The following TMEM71 variants were observed in gnomAD, a reference collection of about 807,000 sequenced individuals.
The protein encoded by TMEM71 is transmembrane protein 71.
In TMEM71, 44 loss-of-function variants were observed where a neutral mutation model predicts 38.0. The ratio of observed to expected loss-of-function variants is 1.16; its 90% CI spans 0.91 to 1.49. TMEM71 has a LOEUF of 1.49. TMEM71 is among the 40% of genes most tolerant of loss of function. The pLI is 0.00. For missense variants in TMEM71, 367 were observed against 348.6 expected (o/e 1.05, Z -0.42); for synonymous variants, 133 against 122.5 (o/e 1.09, Z -0.56).
At chr8:132,765,176 C>T, upstream of TMEM71, among the ~76,000 whole-genome samples, 1 of 152,190 alleles carries the variant, frequency 6.6e-6, no homozygotes, top group East Asian at 1.9e-4. Flanking sequence ...TCTCAGAATT[C>T]CTTTTTTGCA....
At chr8:132,770,460 C>T in the TMEM71 span, among the ~76,000 whole-genome samples, 5 of 152,280 alleles carry the variant, frequency 3.3e-5, no homozygotes, top group Non-Finnish European at 7.4e-5. Context: ...TCCCCATGGC[C>T]ACCATACTTG....
downstream of TMEM71, among the ~76,000 whole-genome samples, chr8:132,706,962 C>T (rs568611083): frequency 6.6e-5 from 10 of 152,196 alleles, no homozygotes; most frequent in African/African-American, 9.6e-5. Flanking sequence ...AAACAAAAAA[C>T]GATTAAGCCT....
At chr8:132,768,443 CTT>C in the TMEM71 span, among the ~76,000 whole-genome samples, 2 of 152,002 alleles carry the variant, frequency 1.3e-5, no homozygotes, top group Non-Finnish European at 2.9e-5. Flanking sequence ...GCTAATGTGT[CTT>C]TTTAGGATTT....
chr8:132,718,606 C>A (rs1826670295), intron 7 of TMEM71, among the ~76,000 whole-genome samples: 1 of 152,116 alleles, frequency 6.6e-6, no homozygotes, highest in South Asian at 2.1e-4. Context: ...ACCGTGTTAG[C>A]CAGGATGGCC....
At chr8:132,732,166 G>T (rs984094658) in intron 5 of TMEM71, among the ~76,000 whole-genome samples, 1 of 152,166 alleles carries the variant, frequency 6.6e-6, no homozygotes, top group Non-Finnish European at 1.5e-5. Context: ...GATGCAATGA[G>T]GTAATTGCTA....
Position 132,747,190 on chromosome 8 carries a change from G to A in TMEM71, c.315-76C>T, listed in dbSNP as rs1828439001. On this transcript the variant is annotated intron_variant, in intron 4 of 9. Transcript: ENST00000677595. ...TCAAAACTGTGATTTGAAGCGCAGA[G>A]TACATTTCTACAACCCAAGTCTGCT... is the stretch of plus-strand genomic sequence containing the variant. 4 of 1,303,234 alleles carry A rather than the reference G, an allele frequency of 3.1e-6. No homozygotes were observed. In the East Asian group the frequency reaches 7.8e-5, roughly 25 times the overall value. 80.7% of individuals were successfully genotyped at this position (1,303,234 alleles called of 1,614,324 possible).
the TMEM71 span, among the ~76,000 whole-genome samples, chr8:132,772,864 G>C: frequency 6.6e-6 from 1 of 152,124 alleles, no homozygotes. Flanking sequence ...GACTGACACA[G>C]GTGCATTCTA....
chr8:132,721,885 G>C (rs1826871475), intron 7 of TMEM71, among the ~76,000 whole-genome samples, 155 bp downstream of exon 7: 1 of 152,104 alleles, frequency 6.6e-6, no homozygotes, highest in Non-Finnish European at 1.5e-5. Context: ...TGGGCAATGA[G>C]AGATAAAGGG....
intron 5 of TMEM71, among the ~76,000 whole-genome samples, chr8:132,741,361 G>A (rs937576195): frequency 6.6e-6 from 1 of 152,176 alleles, no homozygotes; most frequent in African/African-American, 2.4e-5. Flanking sequence ...GTGGCGACGA[G>A]AGAGTGTAGA....
At chr8:132,756,409 T>TA (rs1259640577) in intron 3 of TMEM71, among the ~76,000 whole-genome samples, 896 of 70,958 alleles carry the variant, frequency 0.013, 7 homozygotes, top group Middle Eastern at 0.11. Flanking sequence ...CTAACATATA[T>TA]ATTATATATA....
chr8:132,713,310 T>C, intron 9 of TMEM71, among the ~76,000 whole-genome samples: 1 of 152,020 alleles, frequency 6.6e-6, no homozygotes, highest in East Asian at 1.9e-4. Flanking sequence ...TAAGTCAATA[T>C]TGGCTAGAAT....
upstream of TMEM71, among the ~76,000 whole-genome samples, chr8:132,764,343 C>T (rs1042798802): frequency 1.5e-4 from 22 of 151,490 alleles, no homozygotes; most frequent in African/African-American, 4.4e-4. Flanking sequence ...GACTTCCATG[C>T]CAACATGCCA....
chr8:132,750,955 G>C (rs1207966823), intron 4 of TMEM71, among the ~76,000 whole-genome samples: 2 of 151,966 alleles, frequency 1.3e-5, no homozygotes, highest in East Asian at 3.9e-4. Context: ...TTTCATCATT[G>C]CTATCACAAC....
the TMEM71 span, among the ~76,000 whole-genome samples, chr8:132,765,726 T>G: frequency 6.6e-6 from 1 of 152,166 alleles, no homozygotes; most frequent in South Asian, 2.1e-4. Flanking sequence ...TCATTCCTAG[T>G]GGTTCTGCTT....
chr8:132,751,384 C>T (rs1366160880), intron 4 of TMEM71, among the ~76,000 whole-genome samples: 1 of 152,226 alleles, frequency 6.6e-6, no homozygotes, highest in African/African-American at 2.4e-5. Context: ...CCATCACCAC[C>T]ACTAGTGAGT....
chr8:132,709,295 A>T (rs964489316), downstream of TMEM71, among the ~76,000 whole-genome samples: 10 of 152,182 alleles, frequency 6.6e-5, no homozygotes, highest in African/African-American at 2.4e-4. Flanking sequence ...TGGATTGTGG[A>T]TCACTTTGTG....
At chr8:132,775,125 A>G in the TMEM71 span, among the ~76,000 whole-genome samples, 15 of 152,250 alleles carry the variant, frequency 9.9e-5, no homozygotes, top group Non-Finnish European at 1.5e-4. Flanking sequence ...ATCAAGAATA[A>G]TAAACAATGC....
chr8:132,756,414 TA>T (rs1317500849), intron 3 of TMEM71, among the ~76,000 whole-genome samples: 820 of 61,108 alleles, frequency 0.013, 9 homozygotes, highest in South Asian at 0.064. Flanking sequence ...ATATATATTA[TA>T]TATATATATA....
At position 132,727,779 on chromosome 8, in the gene TMEM71, T is replaced by C; in HGVS notation, c.676+19A>G. ...AGAATTCTTTGGGTGTGGCAAATAT[T>C]TAAAACACCTGAACTCACCTGAATG... On this transcript the variant is annotated intron_variant, in intron 6 of 9. Coordinates refer to ENST00000677595, the MANE Select transcript of TMEM71 (RefSeq NM_001382403.1). The C allele has an allele frequency of 6.4e-7, 1 of 1,561,720 alleles. No individual in the cohort carries two copies. Among genetic ancestry groups the C allele is most frequent in the South Asian group, 1.2e-5 (1 of 82,548 alleles).
Sources: allele counts gnomAD v4.1 joint callset (sites outside exome capture counted in the v4.1 genomes callset), GRCh38; gene constraint gnomAD v4.1.1; transcripts MANE v1.5; gene names NCBI Gene and HGNC (gene_info 2026-07-23, HGNC 2026-07-21).